IMPDH1: variants seen among roughly 807,000 people sequenced by gnomAD.
The protein encoded by IMPDH1 is inosine monophosphate dehydrogenase 1.
In IMPDH1, 41 loss-of-function variants were observed where a neutral mutation model predicts 73.5. The observed-to-expected ratio is 0.56, with a 90% CI of 0.43 to 0.72. IMPDH1 has a LOEUF of 0.72. Among genes scored for constraint, IMPDH1 ranks in the 30% least tolerant of loss-of-function variants. The pLI is 0.00. For synonymous variants in IMPDH1, 318 were observed against 334.3 expected, an observed-to-expected ratio of 0.95 and a Z score of 0.53; for missense variants, 645 against 824.8, an observed-to-expected ratio of 0.78 and a Z score of 2.67.
Position 128,396,102 on chromosome 7 carries a change from C to G in IMPDH1, c.1261+498G>C, listed in dbSNP as rs913370220. On this transcript the variant is annotated intron_variant, in intron 12 of 16. Coordinates refer to ENST00000338791, the MANE Select transcript of IMPDH1 (RefSeq NM_000883.4). This position sits in a 1 kb window ranked among gnomAD's most constrained non-coding sequence, Gnocchi z 4.0. ...GTCAGATACCAGCCTCCAGGGAGCA[C>G]CTCCTCAATAACCACATGGGGGACA... 6.6e-6 allele frequency among the ~76,000 whole-genome samples: 1 copy of G among 152,148 alleles called. No homozygotes were observed. Among genetic ancestry groups the G allele is most frequent in the African/African-American group, 2.4e-5 (1 of 41,436 alleles).
intron 5 of IMPDH1, among the ~76,000 whole-genome samples, chr7:128,401,734 G>T (rs2116678179): frequency 6.6e-6 from 1 of 152,282 alleles, no homozygotes; most frequent in South Asian, 2.1e-4. Flanking sequence ...CTGAGGTGGG[G>T]GTAGGCATGG....
rs1302905666 is a variant in IMPDH1 at position 128,394,136 on chromosome 7, T to C, written c.1778+142A>G. ...GGGGGCTGGGCCCCCGAAGAGAGGG[T>C]GAGGGGCCATCCTGCAGCAGCATCT... is the stretch of plus-strand genomic sequence containing the variant. On this transcript the variant is annotated intron_variant, in intron 16 of 16. Coordinates refer to ENST00000338791, the MANE Select transcript of IMPDH1 (RefSeq NM_000883.4). The surrounding 1 kb of genome is among the most constrained non-coding windows in gnomAD (Gnocchi z 5.5). The C allele has an allele frequency of 2.8e-6, 2 of 717,802 alleles. No individual in the cohort carries two copies. The allele number at this position is 717,802 out of a possible 1,614,324, so 44.5% of individuals were successfully genotyped here. A position where few individuals can be genotyped will look rare whatever the true frequency, so the allele number is the denominator to read the frequency against.
At chr7:128,399,684 C>G (rs903486135) in intron 9 of IMPDH1, among the ~76,000 whole-genome samples, 4 of 149,600 alleles carry the variant, frequency 2.7e-5, no homozygotes, top group African/African-American at 9.9e-5. Context: ...GAGACTCTGT[C>G]TCAAAAAAAA....
chr7:128,407,307 A>AGCCTCCCCCATTGATGCCCC (rs984384268), intron 3 of IMPDH1, among the ~76,000 whole-genome samples: 1 of 152,184 alleles, frequency 6.6e-6, no homozygotes, highest in African/African-American at 2.4e-5. Context: ...TGGGATGCCC[A>AGCCTCCCCCATTGATGCCCC]GCCTCCCCCA....
In IMPDH1 at chr7:128,403,768, G is replaced by A. The variant is rs774094425; in HGVS notation, c.354-14C>T. On this transcript the variant is annotated splice_polypyrimidine_tract_variant and intron_variant, in intron 4 of 16. Transcript: ENST00000338791. Reference sequence around the variant, plus strand: ...ATCAGGAAGTCGCTGTGAAGACAGAGAAGTGAGTGTTATTAGTGGGGAGGG... The same window carrying A: ...ATCAGGAAGTCGCTGTGAAGACAGAAAAGTGAGTGTTATTAGTGGGGAGGG... The A allele has an allele frequency of 4.3e-6, 7 of 1,613,326 alleles. No individual in the cohort carries two copies. The highest frequency in any genetic ancestry group is 5.9e-6 in the Non-Finnish European group (7 of 1,179,252).
intron 3 of IMPDH1, 59 bp from the exon 4 acceptor site, chr7:128,405,924 C>A (rs1454255248): frequency 4.1e-6 from 6 of 1,447,282 alleles, no homozygotes; most frequent in South Asian, 1.3e-5. Context: ...CCGCTGCCGC[C>A]GCTGCTGCTG....
At position 128,395,127 on chromosome 7, in the gene IMPDH1, T is replaced by C. The variant is rs1797823476; in HGVS notation, c.1405+4A>G. 5.0e-6 allele frequency: 8 copies of C among 1,613,912 alleles called. No homozygotes were observed. Among genetic ancestry groups the C allele is most frequent in the Non-Finnish European group, 6.8e-6 (8 of 1,179,992 alleles). On this transcript the variant is annotated splice_donor_region_variant and intron_variant, in intron 13 of 16. Transcript: ENST00000338791. ...GCCCAATCCCCAGCACATTCTCCCC[T>C]CACCTGTGGAGGCTCCAAGGGCCAG...
At chr7:128,399,229 G>A (rs1194234922) in intron 9 of IMPDH1, among the ~76,000 whole-genome samples, 3 of 151,388 alleles carry the variant, frequency 2.0e-5, no homozygotes, top group African/African-American at 7.3e-5. Flanking sequence ...ACCTGGGTGT[G>A]TTGGTGTGTG....
At position 128,398,371 on chromosome 7, in the gene IMPDH1, A is replaced by C; in HGVS notation, c.1074+43T>G. 1 of 1,542,802 alleles carries C rather than the reference A, an allele frequency of 6.5e-7. No individual in the cohort carries two copies. The highest frequency in any genetic ancestry group is 2.2e-5 in the East Asian group (1 of 44,534). On this transcript the variant is annotated intron_variant, in intron 10 of 16. Transcript: ENST00000338791. The surrounding 1 kb of genome is among the most constrained non-coding windows in gnomAD (Gnocchi z 4.3). ...GTCCTCATAAACCTCCACTCTGCTG[A>C]ACCACTCATCCATCTCCCCCACCAC...
chr7:128,405,674 G>T, intron 4 of IMPDH1, 93 bp downstream of exon 4: 1 of 1,462,382 alleles, frequency 6.8e-7, no homozygotes, highest in Non-Finnish European at 9.0e-7. Flanking sequence ...GCACCGGGCA[G>T]GGAACGCCGG....
At chr7:128,403,950 C>A (rs567507697) in intron 4 of IMPDH1, among the ~76,000 whole-genome samples, 196 bp from the exon 5 acceptor site, 1 of 152,356 alleles carries the variant, frequency 6.6e-6, no homozygotes, top group East Asian at 1.9e-4. Context: ...CTCCAGCCCC[C>A]AGAGCTAGAG....
Position 128,398,068 on chromosome 7 carries a change from A to C in IMPDH1, c.1074+346T>G, listed in dbSNP as rs1266198546. 2.0e-5 allele frequency among the ~76,000 whole-genome samples: 3 copies of C among 152,192 alleles called. No homozygotes were observed. Among genetic ancestry groups the C allele is most frequent in the Non-Finnish European group, 2.9e-5 (2 of 68,024 alleles). The stretch of plus-strand genomic sequence containing the variant: ...ATGTTGCTGCAAAGGACAGGATTTC[A>C]TTCTTTCTTATGGCTGTGCCACTGG... On this transcript the variant is annotated intron_variant, in intron 10 of 16. Coordinates refer to ENST00000338791, the MANE Select transcript of IMPDH1 (RefSeq NM_000883.4). This position sits in a 1 kb window ranked among gnomAD's most constrained non-coding sequence, Gnocchi z 4.3.
At chr7:128,399,743 G>C (rs1798183161) in intron 9 of IMPDH1, among the ~76,000 whole-genome samples, 1 of 152,058 alleles carries the variant, frequency 6.6e-6, no homozygotes, top group Admixed American at 6.6e-5. Flanking sequence ...AACAGCTCTA[G>C]TGTCAAATAA....
Position 128,392,926 on chromosome 7 carries a change from A to C in IMPDH1, c.*81T>G. 7.2e-7 allele frequency: 1 copy of C among 1,384,234 alleles called. No individual in the cohort carries two copies. Among genetic ancestry groups the C allele is most frequent in the Non-Finnish European group, 1.0e-6 (1 of 971,274 alleles). The allele number at this position is 1,384,234 out of a possible 1,614,324, so 85.7% of individuals were successfully genotyped here. Reference sequence around the variant, plus strand: ...AACCCGTAGTGCAAATCTGTGGACCACTCAGTTATGGAGGGAGGCTGTGCC... The same window carrying C: ...AACCCGTAGTGCAAATCTGTGGACCCCTCAGTTATGGAGGGAGGCTGTGCC... On this transcript the variant is annotated 3_prime_UTR_variant, in exon 17 of 17. Transcript: ENST00000338791.
At position 128,392,394 on chromosome 7, in the gene IMPDH1, A is replaced by G. The variant is rs11549800; in HGVS notation, c.*613T>C. ...GACTGCAGCTGAGGAGAAGGGAGGA[A>G]TGGTTCACCTGGGGACGGTGGTGAG... On this transcript the variant is annotated 3_prime_UTR_variant, in exon 17 of 17. Coordinates refer to ENST00000338791, the MANE Select transcript of IMPDH1 (RefSeq NM_000883.4). The G allele has an allele frequency of 1.2e-3, 180 of 154,632 alleles. 1 individual carries two copies. The highest frequency in any genetic ancestry group is 3.1e-3 in the Admixed American group (48 of 15,578). 9.6% of individuals were successfully genotyped at this position (154,632 alleles called of 1,614,324 possible).
In IMPDH1 at chr7:128,393,155, C is replaced by T. The variant is rs574870508; in HGVS notation, c.1779-127G>A. 2.6e-4 allele frequency: 277 copies of T among 1,059,364 alleles called. 1 individual carries two copies. The South Asian group carries it at 3.5e-3, about 13-fold the overall frequency. 65.6% of individuals were successfully genotyped at this position (1,059,364 alleles called of 1,614,324 possible). On this transcript the variant is annotated intron_variant, in intron 16 of 16. Coordinates refer to ENST00000338791, the MANE Select transcript of IMPDH1 (RefSeq NM_000883.4). ...AGCTGAGAAGCCCTGAGATCTCAGC[C>T]GTACGGCGCAGGAGGAGGGCCTGGA...
Position 128,392,777 on chromosome 7 carries a change from C to T in IMPDH1, c.*230G>A. 1 of 553,822 alleles carries T rather than the reference C, an allele frequency of 1.8e-6. No individual in the cohort carries two copies. The highest frequency in any genetic ancestry group is 2.2e-5 in the South Asian group (1 of 46,292). The allele number at this position is 553,822 out of a possible 1,614,324, so 34.3% of individuals were successfully genotyped here. A position where few individuals can be genotyped will look rare whatever the true frequency, so the allele number is the denominator to read the frequency against. ...GGGCCTGAGAGCCTGGCTGGCTGGG[C>T]TCGGAGGGGGGCTCCCAGGGCAGCC... On this transcript the variant is annotated 3_prime_UTR_variant, in exon 17 of 17. Coordinates refer to ENST00000338791, the MANE Select transcript of IMPDH1 (RefSeq NM_000883.4).
At chr7:128,406,292 C>CA (rs1798762549) in intron 3 of IMPDH1, among the ~76,000 whole-genome samples, 1 of 4,998 alleles carries the variant, frequency 2.0e-4, no homozygotes, top group African/African-American at 8.6e-4. Flanking sequence ...CCCACCCCCC[C>CA]ACACCCCCAC....
Position 128,409,660 on chromosome 7 carries a change from C to T in IMPDH1, c.146+96G>A, listed in dbSNP as rs572927755. 76 of 1,502,926 alleles carry T rather than the reference C, an allele frequency of 5.1e-5. No individual in the cohort carries two copies. The African/African-American group carries it at 9.9e-4, about 20-fold the overall frequency. 93.1% of individuals were successfully genotyped at this position (1,502,926 alleles called of 1,614,324 possible). ...ATAGGGGAAGGGTTTGTGGGGCCTG[C>T]CCCTCCCCCGCAGCGTCGCCGGGTT... On this transcript the variant is annotated intron_variant, in intron 1 of 16. Coordinates refer to ENST00000338791, the MANE Select transcript of IMPDH1 (RefSeq NM_000883.4).
Sources: gnomAD v4.1 joint callset for allele counts (sites outside exome capture counted in the v4.1 genomes callset) on GRCh38, gnomAD v4.1.1 for gene constraint, Gnocchi (gnomAD v3.1) non-coding constraint, MANE v1.5 for transcripts, NCBI Gene and HGNC (gene_info 2026-07-23, HGNC 2026-07-21) for gene names.